The following RUVBL1 variants were observed in gnomAD, a reference collection of about 807,000 sequenced individuals.
The protein encoded by RUVBL1 is RuvB like AAA ATPase 1, also known as ruvB-like 1.
Under a neutral mutation model 52.4 loss-of-function variants are expected in RUVBL1, and 4 were observed. The observed-to-expected ratio is 0.08, with a 90% CI of 0.04 to 0.17. The LOEUF (loss-of-function observed/expected upper bound fraction) is 0.17. Among genes scored for constraint, RUVBL1 ranks in the 10% least tolerant of loss-of-function variants. The probability of loss-of-function intolerance (pLI) is 1.00; values close to 1 mark genes in which losing one functional copy is unlikely to be tolerated. For synonymous variants in RUVBL1, 217 were observed against 214.4 expected, an observed-to-expected ratio of 1.01 and a Z score of -0.10; for missense variants, 298 against 572.8, an observed-to-expected ratio of 0.52 and a Z score of 4.90.
chr3:128,068,532 G>A (rs924048139), intron 9 of RUVBL1: 1 of 162,750 alleles, frequency 6.1e-6, no homozygotes, highest in Non-Finnish European at 1.3e-5. Flanking sequence ...AGGGGTTGAT[G>A]TGCATCTGAA....
chr3:128,104,850 G>T lies in RUVBL1; in HGVS notation c.436C>A (p.Pro146Thr). ...ATGGTTTTGCCATATCCTCCCATGGGATTCTCTGTCTCACACGGAGTTAGC... is the reference window on the plus strand; with the variant it reads ...ATGGTTTTGCCATATCCTCCCATGGTATTCTCTGTCTCACACGGAGTTAGC... ...TELTPCETEN[P>T]MGGYGKTISH... Residue 146 changes from proline to threonine, a missense_variant, in exon 4 of 11, where the codon CCC becomes ACC. Pro to Thr is a conservative substitution (Grantham distance 38). Transcript: ENST00000322623. 5 of 1,613,716 alleles carry T rather than the reference G, an allele frequency of 3.1e-6. No individual in the cohort carries two copies. Among genetic ancestry groups the T allele is most frequent in the Non-Finnish European group, 4.2e-6 (5 of 1,179,674 alleles).
At position 128,131,430 on chromosome 3, in the gene RUVBL1, A is replaced by T. The variant is rs535118922; in HGVS notation, c.-39-12016T>A. ...GAGGTGGTGGTTGCAGTGAGCCAAG[A>T]TCACGTCACTGCACTCCAGCCTGGG... On this transcript the variant is annotated intron_variant, in intron 1 of 9. Transcript: ENST00000464873. Among the ~76,000 whole-genome samples, 38 of 152,280 alleles carry T rather than the reference A, an allele frequency of 2.5e-4. 1 individual carries two copies. In the East Asian group the frequency reaches 6.2e-3, roughly 25 times the overall value.
At chr3:128,109,781 T>C (rs1034959152) in intron 3 of RUVBL1, among the ~76,000 whole-genome samples, 32 of 148,042 alleles carry the variant, frequency 2.2e-4, no homozygotes, top group Admixed American at 4.1e-4. Context: ...GGCACCACCA[T>C]GAGCCATCAG....
chr3:128,066,530 G>A (rs955267864), intron 9 of RUVBL1: 1 of 177,312 alleles, frequency 5.6e-6, no homozygotes, highest in African/African-American at 2.4e-5. Flanking sequence ...TCAAGTGATT[G>A]TCCCACCTCA....
intron 9 of RUVBL1, chr3:128,069,791 C>T: frequency 2.3e-6 from 2 of 855,686 alleles, no homozygotes; most frequent in Non-Finnish European, 3.6e-6. Context: ...TCTTTCATTC[C>T]ACTGTGTAAA....
chr3:128,126,231 G>A (rs2107725502), upstream of RUVBL1, among the ~76,000 whole-genome samples: 1 of 146,580 alleles, frequency 6.8e-6, no homozygotes, highest in African/African-American at 2.6e-5. Context: ...GTGTGTGTGT[G>A]TGTGCTAAAT....
At chr3:128,107,464 A>G (rs1324520740) in intron 3 of RUVBL1, among the ~76,000 whole-genome samples, 1 of 152,250 alleles carries the variant, frequency 6.6e-6, no homozygotes, top group East Asian at 1.9e-4. Context: ...AAATATTCCA[A>G]TGGCACTAAG....
At chr3:128,080,714 A>G (rs935464977), downstream of RUVBL1, among the ~76,000 whole-genome samples, 2 of 152,248 alleles carry the variant, frequency 1.3e-5, no homozygotes, top group Non-Finnish European at 2.9e-5. Flanking sequence ...AAGATGTCAC[A>G]GCCAAGAGGC....
At chr3:128,102,560 A>G (rs1943129497) in intron 4 of RUVBL1, among the ~76,000 whole-genome samples, 1 of 152,192 alleles carries the variant, frequency 6.6e-6, no homozygotes, top group Non-Finnish European at 1.5e-5. Context: ...AAAAGTGAAA[A>G]CCCAGGACTT....
chr3:128,099,023 T>C, intron 6 of RUVBL1, 78 bp from the exon 7 acceptor site: 1 of 1,201,876 alleles, frequency 8.3e-7, no homozygotes, highest in Non-Finnish European at 1.2e-6. Flanking sequence ...ATCCCACTCA[T>C]CAACTCAACA....
At chr3:128,105,576 A>C (rs1943212608) in intron 3 of RUVBL1, among the ~76,000 whole-genome samples, 1 of 152,182 alleles carries the variant, frequency 6.6e-6, no homozygotes, top group Non-Finnish European at 1.5e-5. Context: ...ATTCCACCAG[A>C]ACAGTGGCTA....
intron 9 of RUVBL1, among the ~76,000 whole-genome samples, chr3:128,066,409 C>A (rs1310939103): frequency 2.6e-5 from 4 of 151,918 alleles, no homozygotes; most frequent in Non-Finnish European, 4.4e-5. Context: ...GGGATCATTC[C>A]ACCGTGCTTG....
chr3:128,143,258 C>T (rs1000396567), intron 1 of RUVBL1, among the ~76,000 whole-genome samples: 10 of 151,732 alleles, frequency 6.6e-5, no homozygotes, highest in African/African-American at 1.7e-4. Flanking sequence ...CCACAACCTC[C>T]GCCTCCTGGG....
intron 8 of RUVBL1, among the ~76,000 whole-genome samples, chr3:128,095,559 A>T (rs1942949390): frequency 6.6e-6 from 1 of 152,232 alleles, no homozygotes. Flanking sequence ...AGCATCACGG[A>T]CGGGGATTCA....
At chr3:128,140,228 G>GTTTTTTTTTTTTTTTTTTTT (rs372296453) in intron 1 of RUVBL1, among the ~76,000 whole-genome samples, 1 of 53,448 alleles carries the variant, frequency 1.9e-5, no homozygotes. Context: ...TTTTTTGTTT[G>GTTTTTTTTTTTTTTTTTTTT]TTTGTTTTTT....
downstream of RUVBL1, among the ~76,000 whole-genome samples, chr3:128,077,891 T>C (rs1376394682): frequency 6.6e-6 from 1 of 152,200 alleles, no homozygotes; most frequent in Non-Finnish European, 1.5e-5. Context: ...TCTTAGTCTC[T>C]TGGGTACCTG....
Position 128,140,228 on chromosome 3 carries a change from G to GTTTTT in RUVBL1, c.-40+12974_-40+12975insAAAAA, listed in dbSNP as rs372296453. 1.5e-3 allele frequency among the ~76,000 whole-genome samples: 81 copies of GTTTTT among 53,420 alleles called. 2 individuals carry two copies. Among genetic ancestry groups the GTTTTT allele is most frequent in the African/African-American group, 2.4e-3 (51 of 21,636 alleles). The allele number at this position is 53,420 out of a possible 152,430, so 35.0% of individuals were successfully genotyped here. A position where few individuals can be genotyped will look rare whatever the true frequency, so the allele number is the denominator to read the frequency against. The stretch of plus-strand genomic sequence containing the variant: ...TGATATGATACAAGTTTTTTTGTTT[G>GTTTTT]TTTGTTTTTTTTTTTTTTGAGACGG... On this transcript the variant is annotated intron_variant, in intron 1 of 9. Coordinates refer to the RUVBL1 transcript ENST00000464873.
intron 1 of RUVBL1, among the ~76,000 whole-genome samples, chr3:128,120,448 A>G (rs1311052902): frequency 1.3e-5 from 2 of 152,160 alleles, no homozygotes; most frequent in African/African-American, 4.8e-5. Flanking sequence ...GTGTGTATAT[A>G]TACACACACA....
rs1942497380 is a variant in RUVBL1 at position 128,082,250 on chromosome 3, G to A, written c.1211+233C>T. 4.0e-6 allele frequency: 2 copies of A among 504,954 alleles called. No homozygotes were observed. Among genetic ancestry groups the A allele is most frequent in the Admixed American group, 3.6e-5 (1 of 27,686 alleles). The allele number at this position is 504,954 out of a possible 1,614,324, so 31.3% of individuals were successfully genotyped here. A position where few individuals can be genotyped will look rare whatever the true frequency, so the allele number is the denominator to read the frequency against. On this transcript the variant is annotated intron_variant, in intron 10 of 10. Transcript: ENST00000322623. The surrounding 1 kb of genome is among the most constrained non-coding windows in gnomAD (Gnocchi z 4.7). The stretch of plus-strand genomic sequence containing the variant: ...GGGTCAAAGCACTCTCCACCAGAGG[G>A]GAGCATCTGCTGCAGGACATGGGGA...
Sources: gnomAD v4.1 joint callset for allele counts (sites outside exome capture counted in the v4.1 genomes callset) on GRCh38, gnomAD v4.1.1 for gene constraint, Gnocchi (gnomAD v3.1) non-coding constraint, MANE v1.5 for transcripts, NCBI Gene and HGNC (gene_info 2026-07-23, HGNC 2026-07-21) for gene names.